Variants in NAV2 observed in about 807,000 individuals in gnomAD.
NAV2 encodes the protein helicase, APC down-regulated 1.
NAV2 carries 54 observed loss-of-function variants against 223.2 expected under a neutral mutation model. That is an observed-to-expected ratio of 0.24 (90% CI 0.19 to 0.30). The LOEUF (loss-of-function observed/expected upper bound fraction) is 0.30. NAV2 is among the 10% of genes least tolerant of loss of function. The pLI, the probability that NAV2 is intolerant of heterozygous loss-of-function variation, is 1.00. For missense variants in NAV2, 2,806 were observed against 3,147.5 expected (o/e 0.89, Z 2.60); for synonymous variants, 1,279 against 1,239.3 (o/e 1.03, Z -0.67).
At chr11:19,567,053 G>A (rs1211219867) in intron 1 of NAV2, among the ~76,000 whole-genome samples, 3 of 152,200 alleles carry the variant, frequency 2.0e-5, no homozygotes, top group African/African-American at 7.2e-5. Context: ...ATGATGGAGG[G>A]CTGTTTCTGT....
intron 1 of NAV2, among the ~76,000 whole-genome samples, chr11:19,378,250 G>A (rs2133906474): frequency 6.6e-6 from 1 of 152,318 alleles, no homozygotes; most frequent in Non-Finnish European, 1.5e-5. Context: ...TTTCAGGCAA[G>A]CAGAAAACAA....
intron 1 of NAV2, among the ~76,000 whole-genome samples, chr11:19,787,666 G>T (rs1417135530): frequency 1.3e-5 from 2 of 152,168 alleles, no homozygotes; most frequent in African/African-American, 4.8e-5. Flanking sequence ...GCGATAGCAT[G>T]ATAGTAAACT....
At chr11:19,431,703 TTTAGA>T (rs1430985694) in intron 1 of NAV2, among the ~76,000 whole-genome samples, 2 of 152,142 alleles carry the variant, frequency 1.3e-5, no homozygotes, top group African/African-American at 2.4e-5. Flanking sequence ...GAAGATAGAA[TTTAGA>T]TTAAGAGCAA....
At chr11:19,971,045 A>G (rs536694944) in intron 10 of NAV2, among the ~76,000 whole-genome samples, 2 of 152,294 alleles carry the variant, frequency 1.3e-5, no homozygotes, top group South Asian at 2.1e-4. Flanking sequence ...CGACATTAAT[A>G]TGCTAGATGA....
intron 1 of NAV2, among the ~76,000 whole-genome samples, chr11:19,621,852 T>G (rs1383381242): frequency 6.6e-6 from 1 of 152,208 alleles, no homozygotes; most frequent in African/African-American, 2.4e-5. Context: ...GATGGTAGGG[T>G]GTCAATTTTA....
At chr11:19,550,812 C>T (rs764935640) in intron 1 of NAV2, among the ~76,000 whole-genome samples, 25 of 152,326 alleles carry the variant, frequency 1.6e-4, no homozygotes, top group Non-Finnish European at 3.4e-4. Flanking sequence ...CCATAAAACA[C>T]GCCCACCAGT....
chr11:19,560,767 G>A (rs919549955), intron 1 of NAV2, among the ~76,000 whole-genome samples: 1 of 152,188 alleles, frequency 6.6e-6, no homozygotes, highest in African/African-American at 2.4e-5. Flanking sequence ...GTGACTTCAG[G>A]AACTACAGCT....
At chr11:19,962,065 ACCTTTAGACTG>A (rs2048389609) in intron 10 of NAV2, among the ~76,000 whole-genome samples, 1 of 151,564 alleles carries the variant, frequency 6.6e-6, no homozygotes, top group African/African-American at 2.4e-5. Context: ...AGGGGATTCT[ACCTTTAGACTG>A]CCTTTAGACT....
intron 1 of NAV2, among the ~76,000 whole-genome samples, chr11:19,683,434 A>C (rs1227934931): frequency 6.6e-6 from 1 of 152,182 alleles, no homozygotes; most frequent in African/African-American, 2.4e-5. Flanking sequence ...CTGAATTTTT[A>C]TGGGTCATAA....
Position 19,875,684 on chromosome 11 carries a change from A to G in NAV2, c.512-4185A>G, listed in dbSNP as rs964893267. On this transcript the variant is annotated intron_variant, in intron 4 of 37. Transcript: ENST00000349880. Reference sequence around the variant, plus strand: ...GGAATCTTTTTAGGATGATAGAAATATTTTAAATCTAGAATTTGCTAAATT... The same window carrying G: ...GGAATCTTTTTAGGATGATAGAAATGTTTTAAATCTAGAATTTGCTAAATT... Among the ~76,000 whole-genome samples, 10 of 152,350 alleles carry G rather than the reference A, an allele frequency of 6.6e-5. No homozygotes were observed. In the East Asian group the frequency reaches 1.9e-3, roughly 29 times the overall value.
chr11:19,423,083 C>A (rs1012267403), intron 1 of NAV2, among the ~76,000 whole-genome samples: 1 of 152,206 alleles, frequency 6.6e-6, no homozygotes, highest in Admixed American at 6.5e-5. Flanking sequence ...AGGATATTTA[C>A]CTCAGTGCCT....
chr11:19,423,018 T>C lies in NAV2; in HGVS notation c.75+71991T>C, dbSNP rs540642264. Among the ~76,000 whole-genome samples, 3 of 152,358 alleles carry C rather than the reference T, an allele frequency of 2.0e-5. No individual in the cohort carries two copies. In the East Asian group the frequency reaches 5.8e-4, roughly 29 times the overall value. On this transcript the variant is annotated intron_variant, in intron 1 of 37. Transcript: ENST00000360655. ...TAACCCTTGTGAGCCTCAGTTTTCC[T>C]ATCTGTGATTTCAACTGTTTCACAA... is the stretch of plus-strand genomic sequence containing the variant.
chr11:19,514,843 G>C (rs2043393754), intron 1 of NAV2, among the ~76,000 whole-genome samples: 1 of 152,224 alleles, frequency 6.6e-6, no homozygotes, highest in South Asian at 2.1e-4. Context: ...GGCAGGCCCA[G>C]GCTGTGCTCT....
chr11:19,948,174 C>A (rs918789235), intron 9 of NAV2, among the ~76,000 whole-genome samples: 1 of 152,118 alleles, frequency 6.6e-6, no homozygotes, highest in Non-Finnish European at 1.5e-5. Flanking sequence ...CAACCTCAGC[C>A]TCCTGGGTTC....
At chr11:19,884,419 T>C in intron 5 of NAV2, 3 of 1,442,512 alleles carry the variant, frequency 2.1e-6, no homozygotes, top group Non-Finnish European at 2.9e-6. Context: ...ACTGTTCCAT[T>C]GTTCCCTCTG....
chr11:19,609,427 C>T (rs980284970), intron 1 of NAV2, among the ~76,000 whole-genome samples: 4 of 152,000 alleles, frequency 2.6e-5, no homozygotes, highest in Middle Eastern at 3.4e-3. Context: ...ACACCTTCTG[C>T]AGAGGGGAGA....
At chr11:19,474,282 GA>G (rs764801895) in intron 1 of NAV2, among the ~76,000 whole-genome samples, 6 of 152,216 alleles carry the variant, frequency 3.9e-5, no homozygotes, top group Non-Finnish European at 5.9e-5. Flanking sequence ...TTGTGAGAGT[GA>G]AAACAATGAG....
chr11:19,942,659 G>A (rs1030256829), intron 8 of NAV2, among the ~76,000 whole-genome samples: 3 of 152,138 alleles, frequency 2.0e-5, no homozygotes, highest in African/African-American at 7.2e-5. Context: ...TTACCAAAAG[G>A]AAAGATGAGA....
At position 19,424,695 on chromosome 11, in the gene NAV2, C is replaced by T. The variant is rs186808277; in HGVS notation, c.75+73668C>T. Reference sequence around the variant, plus strand: ...TCCTGAGTATCTGGGATTATAGGTGCCTGCCACACGTCTGGCTATTTTTTT... The same window carrying T: ...TCCTGAGTATCTGGGATTATAGGTGTCTGCCACACGTCTGGCTATTTTTTT... On this transcript the variant is annotated intron_variant, in intron 1 of 37. Transcript: ENST00000360655. Among the ~76,000 whole-genome samples the T allele has an allele frequency of 1.3e-3, 199 of 151,914 alleles. 1 individual carries two copies. The highest frequency in any genetic ancestry group is 4.5e-3 in the African/African-American group (185 of 41,302).
Sources: allele counts gnomAD v4.1 joint callset (sites outside exome capture counted in the v4.1 genomes callset), GRCh38; gene constraint gnomAD v4.1.1; transcripts MANE v1.5; gene names NCBI Gene and HGNC (gene_info 2026-07-23, HGNC 2026-07-21).